Variants in HDAC9 observed in about 807,000 individuals in gnomAD.
The protein encoded by HDAC9 is MEF-2 interacting transcription repressor (MITR) protein.
Under a neutral mutation model 139.4 loss-of-function variants are expected in HDAC9, and 41 were observed. The ratio of observed to expected loss-of-function variants is 0.29; its 90% confidence interval spans 0.23 to 0.38. The LOEUF (loss-of-function observed/expected upper bound fraction) is 0.38. Among genes scored for constraint, HDAC9 ranks in the 10% least tolerant of loss-of-function variants. The pLI is 1.00. For synonymous variants in HDAC9, 517 were observed against 476.2 expected (o/e 1.09, Z -1.12); for missense variants, 1,147 against 1,297.0 (o/e 0.88, Z 1.78).
chr7:18,993,292 T>TTAAC (rs1786149584), intron 25 of HDAC9, among the ~76,000 whole-genome samples: 1 of 152,346 alleles, frequency 6.6e-6, no homozygotes, highest in African/African-American at 2.4e-5. Context: ...TTTTCTTACA[T>TTAAC]TAACTCGTTT....
At chr7:18,564,856 C>T (rs1456792813) in intron 2 of HDAC9, among the ~76,000 whole-genome samples, 1 of 152,046 alleles carries the variant, frequency 6.6e-6, no homozygotes, top group South Asian at 2.1e-4. Context: ...TCCACTGTTT[C>T]CTCTACTTGC....
chr7:18,537,539 C>G lies in HDAC9; in HGVS notation c.22+41215C>G, dbSNP rs564969422. ...CAAAAGCAGAAACTTTTTTTTTTTT[C>G]TAATTTCTGTCAACAACAGAATCAA... On this transcript the variant is annotated intron_variant, in intron 2 of 25. Transcript: ENST00000686413. 5.5e-5 allele frequency among the ~76,000 whole-genome samples: 8 copies of G among 146,770 alleles called. No individual in the cohort carries two copies. The South Asian group carries it at 1.5e-3, about 28-fold the overall frequency.
intron 12 of HDAC9, among the ~76,000 whole-genome samples, chr7:18,721,172 A>G (rs1277690643): frequency 1.3e-5 from 2 of 152,156 alleles, no homozygotes; most frequent in African/African-American, 4.8e-5. Flanking sequence ...AACAATTAAT[A>G]TGTATAAATA....
At chr7:18,402,378 T>G (rs1354590606) in intron 1 of HDAC9, among the ~76,000 whole-genome samples, 1 of 152,158 alleles carries the variant, frequency 6.6e-6, no homozygotes, top group Non-Finnish European at 1.5e-5. Flanking sequence ...AGTAGGAATC[T>G]TTAAGCCAGA....
chr7:18,267,413 ACTTTATAT>A (rs1796075727), intron 2 of HDAC9, among the ~76,000 whole-genome samples: 1 of 152,046 alleles, frequency 6.6e-6, no homozygotes, highest in South Asian at 2.1e-4. Context: ...TCTAACCGAA[ACTTTATAT>A]CTTTTGACCA....
At chr7:18,132,696 A>G (rs1299757875) in intron 1 of HDAC9, among the ~76,000 whole-genome samples, 1 of 152,154 alleles carries the variant, frequency 6.6e-6, no homozygotes, top group Non-Finnish European at 1.5e-5. Flanking sequence ...TATTCAGAAA[A>G]TGGCCTGTAT....
chr7:18,310,844 ACACACT>A (rs1471975110), intron 1 of HDAC9, among the ~76,000 whole-genome samples: 91 of 136,380 alleles, frequency 6.7e-4, no homozygotes, highest in African/African-American at 2.3e-3. Context: ...ACACACACAC[ACACACT>A]CTCTTACTAA....
At chr7:18,274,152 T>TA (rs1259297270) in intron 2 of HDAC9, among the ~76,000 whole-genome samples, 3 of 152,286 alleles carry the variant, frequency 2.0e-5, no homozygotes, top group Middle Eastern at 3.4e-3. Context: ...TTCATAATAT[T>TA]AAAAAAATAG....
intron 13 of HDAC9, among the ~76,000 whole-genome samples, chr7:18,736,413 A>G (rs907425545): frequency 6.6e-6 from 1 of 152,202 alleles, no homozygotes; most frequent in Non-Finnish European, 1.5e-5. Flanking sequence ...CATTCCATAA[A>G]TACCTGATTT....
At chr7:18,895,836 T>G (rs10486316) in intron 22 of HDAC9, among the ~76,000 whole-genome samples, 1 of 148,326 alleles carries the variant, frequency 6.7e-6, no homozygotes, top group Non-Finnish European at 1.5e-5. Flanking sequence ...GTTTCCTGTT[T>G]AGAGACTTGA....
At chr7:18,334,061 T>C (rs1268901092) in intron 1 of HDAC9, among the ~76,000 whole-genome samples, 1 of 151,368 alleles carries the variant, frequency 6.6e-6, no homozygotes, top group Non-Finnish European at 1.5e-5. Context: ...AGAAATATCA[T>C]TTGAGGATTA....
At chr7:18,918,287 C>T (rs916624042) in intron 22 of HDAC9, among the ~76,000 whole-genome samples, 6 of 151,238 alleles carry the variant, frequency 4.0e-5, no homozygotes, top group African/African-American at 1.5e-4. Context: ...TGAGGAGTAC[C>T]CATGTTTCTC....
At chr7:18,391,390 C>A (rs10256274) in intron 1 of HDAC9, among the ~76,000 whole-genome samples, 39,966 of 146,580 alleles carry the variant, frequency 0.27, 5,497 homozygotes, top group East Asian at 0.38. Flanking sequence ...ATCCCCCCCC[C>A]AAAAAAAAAA....
chr7:18,701,983 A>G (rs554580707), intron 12 of HDAC9, among the ~76,000 whole-genome samples: 21 of 152,234 alleles, frequency 1.4e-4, no homozygotes, highest in Non-Finnish European at 2.9e-4. Flanking sequence ...CCTGAGTGTT[A>G]GTTTCCTGCC....
At chr7:18,548,599 TA>T (rs1816008332) in intron 2 of HDAC9, among the ~76,000 whole-genome samples, 1 of 152,138 alleles carries the variant, frequency 6.6e-6, no homozygotes, top group African/African-American at 2.4e-5. Flanking sequence ...CTTCACTATG[TA>T]AAAAAAGCAA....
intron 2 of HDAC9, among the ~76,000 whole-genome samples, chr7:18,213,862 A>T (rs1226538720): frequency 6.6e-6 from 1 of 152,148 alleles, no homozygotes; most frequent in Non-Finnish European, 1.5e-5. Flanking sequence ...ACTGTGAAGT[A>T]CCTTTGAAGG....
chr7:18,980,765 CTT>C (rs1423543879), intron 25 of HDAC9, among the ~76,000 whole-genome samples: 2 of 147,726 alleles, frequency 1.4e-5, no homozygotes, highest in Non-Finnish European at 3.0e-5. Flanking sequence ...CTTCCTTCTT[CTT>C]CTTCTTCTTC....
At chr7:18,894,801 A>G (rs542314877) in intron 22 of HDAC9, among the ~76,000 whole-genome samples, 22 of 152,154 alleles carry the variant, frequency 1.4e-4, no homozygotes, top group African/African-American at 3.4e-4. Context: ...TGCTATACAA[A>G]TGTTCTTGAA....
chr7:18,395,535 C>CAA (rs11305774), intron 1 of HDAC9, among the ~76,000 whole-genome samples: 7 of 124,334 alleles, frequency 5.6e-5, no homozygotes, highest in Admixed American at 1.6e-4. Flanking sequence ...CCTAAGGCTT[C>CAA]AAAAAAAAAA....
Sources: allele counts gnomAD v4.1 joint callset (sites outside exome capture counted in the v4.1 genomes callset), GRCh38; gene constraint gnomAD v4.1.1; transcripts MANE v1.5; gene names NCBI Gene and HGNC (gene_info 2026-07-23, HGNC 2026-07-21).